The following KIF11 variants were observed in gnomAD, a reference collection of about 807,000 sequenced individuals.
The protein encoded by KIF11 is kinesin family member 11, also known as kinesin-like protein KIF11.
Under a neutral mutation model 121.0 loss-of-function variants are expected in KIF11, and 9 were observed. The ratio of observed to expected loss-of-function variants is 0.07; its 90% CI spans 0.04 to 0.13. The LOEUF (loss-of-function observed/expected upper bound fraction) is 0.13, where lower values mean the gene tolerates loss of function less well. Ranked by LOEUF, KIF11 falls within the 10% of genes least tolerant of loss-of-function variation. KIF11 has a pLI of 1.00. For missense variants in KIF11, 846 were observed against 1,217.5 expected, an observed-to-expected ratio of 0.69 and a Z score of 4.54; for synonymous variants, 408 against 421.0, an observed-to-expected ratio of 0.97 and a Z score of 0.38.
chr10:92,619,602 G>C (rs1589596848), intron 9 of KIF11, among the ~76,000 whole-genome samples: 2 of 152,048 alleles, frequency 1.3e-5, no homozygotes, highest in East Asian at 3.9e-4. Context: ...ATTTTACAGT[G>C]TATGAGTGAT....
intron 21 of KIF11, among the ~76,000 whole-genome samples, chr10:92,652,103 G>A (rs1050316615): frequency 5.3e-5 from 8 of 150,950 alleles, no homozygotes; most frequent in South Asian, 2.1e-4. Flanking sequence ...GAACCACTGC[G>A]CCTGGCTGCT....
intron 10 of KIF11, among the ~76,000 whole-genome samples, chr10:92,622,343 C>T (rs1286687095): frequency 1.3e-5 from 2 of 150,434 alleles, no homozygotes; most frequent in African/African-American, 2.4e-5. Flanking sequence ...GGCTGGGCGC[C>T]GTGGCTCACG....
intron 1 of KIF11, among the ~76,000 whole-genome samples, chr10:92,605,482 ATTTTT>A (rs58660991): frequency 4.1e-5 from 4 of 98,308 alleles, no homozygotes; most frequent in African/African-American, 1.7e-4. Context: ...ATTTGATCGG[ATTTTT>A]TTTTTTTTTT....
chr10:92,639,708 C>T (rs1844844773), intron 16 of KIF11, 86 bp from the exon 17 acceptor site: 1 of 724,588 alleles, frequency 1.4e-6, no homozygotes, highest in Non-Finnish European at 2.4e-6. Context: ...CACCTATGGA[C>T]AATACTTCTT....
intron 16 of KIF11, among the ~76,000 whole-genome samples, chr10:92,638,958 A>G (rs1020202400): frequency 2.6e-5 from 4 of 152,324 alleles, no homozygotes; most frequent in South Asian, 4.1e-4. Flanking sequence ...TCATTTTGCA[A>G]TGTAGCATGT....
Position 92,593,334 on chromosome 10 carries a change from C to T in KIF11, c.-42C>T, listed in dbSNP as rs1411533564. The T allele has an allele frequency of 1.3e-6, 2 of 1,575,910 alleles. No individual in the cohort carries two copies. The highest frequency in any genetic ancestry group is 1.3e-5 in the African/African-American group (1 of 74,378). On this transcript the variant is annotated 5_prime_UTR_variant, in exon 1 of 22. Coordinates refer to ENST00000260731, the MANE Select transcript of KIF11 (RefSeq NM_004523.4). The stretch of plus-strand genomic sequence containing the variant: ...CAAGCCCCTCCGCCCCTCACAGCGC[C>T]CAGGTCCGCGGCCGGGCCTTGATTT...
rs111617887 is a variant in KIF11, at chr10:92,609,301, A to T, written c.574-84A>T. 0.046 allele frequency: 27,371 copies of T among 593,004 alleles called. 413 individuals carry two copies. Among genetic ancestry groups the T allele is most frequent in the Non-Finnish European group, 0.048 (21,925 of 453,594 alleles). 36.7% of individuals were successfully genotyped at this position (593,004 alleles called of 1,614,324 possible). ...GAGAGAGAGAGAGAGAGAGAGAGAG[A>T]GAGTGTGTGTGTGTGTGTGTGTGTG... On this transcript the variant is annotated intron_variant, in intron 5 of 21. Coordinates refer to ENST00000260731, the MANE Select transcript of KIF11 (RefSeq NM_004523.4).
rs1317658550 is a variant in KIF11, at chr10:92,593,341, C to G, written c.-35C>G. The G allele has an allele frequency of 1.3e-6, 2 of 1,584,340 alleles. No homozygotes were observed. The highest frequency in any genetic ancestry group is 1.3e-5 in the African/African-American group (1 of 74,558). On this transcript the variant is annotated 5_prime_UTR_variant, in exon 1 of 22. Coordinates refer to ENST00000260731, the MANE Select transcript of KIF11 (RefSeq NM_004523.4). ...CTCCGCCCCTCACAGCGCCCAGGTC[C>G]GCGGCCGGGCCTTGATTTTTTGGCG...
chr10:92,621,008 T>C (rs1564709200), intron 9 of KIF11, among the ~76,000 whole-genome samples: 1 of 152,242 alleles, frequency 6.6e-6, no homozygotes, highest in Non-Finnish European at 1.5e-5. Context: ...GCTTAGCTTA[T>C]TTCCTTGTCT....
intron 17 of KIF11, 44 bp downstream of exon 17, chr10:92,639,944 A>G (rs369240940): frequency 7.8e-6 from 8 of 1,029,684 alleles, no homozygotes; most frequent in Non-Finnish European, 1.2e-5. Flanking sequence ...GTAAGTCTGA[A>G]ATTATTTAAG....
At chr10:92,636,038 T>G (rs531560968) in intron 14 of KIF11, among the ~76,000 whole-genome samples, 167 of 152,326 alleles carry the variant, frequency 1.1e-3, no homozygotes, top group Non-Finnish European at 1.8e-3. Flanking sequence ...CAATCTATAC[T>G]ACATTCTTAA....
rs553716807 is a variant in KIF11 at position 92,620,800 on chromosome 10, C to T, written c.1129-585C>T. Among the ~76,000 whole-genome samples, 18 of 152,268 alleles carry T rather than the reference C, an allele frequency of 1.2e-4. No homozygotes were observed. In the South Asian group the frequency reaches 3.3e-3, roughly 28 times the overall value. The stretch of plus-strand genomic sequence containing the variant: ...GTAAAACCATCAGATCTCGTGAGAC[C>T]CATTCCCTGTAATGAGAACAGCATG... On this transcript the variant is annotated intron_variant, in intron 9 of 21. Transcript: ENST00000260731.
In KIF11 at chr10:92,606,293, A is replaced by G; in HGVS notation, c.106A>G (p.Ser36Gly). 6.2e-7 allele frequency: 1 copy of G among 1,604,494 alleles called. No homozygotes were observed. Among genetic ancestry groups the G allele is most frequent in the Non-Finnish European group, 8.5e-7 (1 of 1,177,932 alleles). ...RPFNLAERKASAHSIVECDPV... is the reference protein window; with the variant it reads ...RPFNLAERKAGAHSIVECDPV... ...ATTTAATTTGGCAGAGCGGAAAGCT[A>G]GCGCCCATTCAATAGTAGAATGTGA... The change falls in exon 2 of 22, where the codon AGC becomes GGC. Residue 36 changes from serine to glycine, a missense_variant. This residue lies in a region of KIF11 where 140 missense variants were observed against 193.5 expected (regional missense o/e 0.72). Coordinates refer to ENST00000260731, the MANE Select transcript of KIF11 (RefSeq NM_004523.4).
chr10:92,600,413 A>G (rs757005884), intron 1 of KIF11, among the ~76,000 whole-genome samples: 1 of 152,114 alleles, frequency 6.6e-6, no homozygotes, highest in Non-Finnish European at 1.5e-5. Flanking sequence ...GCACAGATCA[A>G]CCCATCACCT....
intron 21 of KIF11, among the ~76,000 whole-genome samples, chr10:92,651,795 A>G (rs961749259): frequency 5.3e-5 from 8 of 151,704 alleles, no homozygotes; most frequent in Admixed American, 1.3e-4. Context: ...GAGGATTCCA[A>G]TGAAATACAA....
chr10:92,643,551 C>T (rs1380343565), intron 17 of KIF11, among the ~76,000 whole-genome samples: 3 of 143,970 alleles, frequency 2.1e-5, no homozygotes, highest in African/African-American at 8.2e-5. Flanking sequence ...AATGTATCTA[C>T]TAGATTTTTT....
At chr10:92,609,296 GAGAGAGAGT>G (rs1554859615) in intron 5 of KIF11, 80 bp from the exon 6 acceptor site, 1 of 970,800 alleles carries the variant, frequency 1.0e-6, no homozygotes, top group Non-Finnish European at 1.3e-6. Context: ...GAGAGAGAGA[GAGAGAGAGT>G]GTGTGTGTGT....
At chr10:92,610,482 C>T (rs1455692461) in intron 6 of KIF11, among the ~76,000 whole-genome samples, 1 of 152,036 alleles carries the variant, frequency 6.6e-6, no homozygotes, top group Non-Finnish European at 1.5e-5. Flanking sequence ...TGTAAAGACC[C>T]GTACAGGACA....
At chr10:92,615,822 T>C (rs2135906541) in intron 8 of KIF11, among the ~76,000 whole-genome samples, 1 of 150,558 alleles carries the variant, frequency 6.6e-6, no homozygotes, top group East Asian at 2.0e-4. Flanking sequence ...TATTCTATAG[T>C]ATGGATATGG....
Sources: gnomAD v4.1 joint callset for allele counts (sites outside exome capture counted in the v4.1 genomes callset) on GRCh38, gnomAD v4.1.1 for gene constraint, gnomAD v4.1.1 regional missense constraint, MANE v1.5 for transcripts, NCBI Gene and HGNC (gene_info 2026-07-23, HGNC 2026-07-21) for gene names.